TMEM272: variants seen among roughly 807,000 people sequenced by gnomAD.
TMEM272 encodes transmembrane protein 272, also known as long intergenic non-protein coding RNA 282.
A neutral mutation model predicts 3.7 loss-of-function variants in TMEM272; 8 were observed. The observed-to-expected ratio is 2.17, with a 90% CI of 1.27 to 3.91. The LOEUF (loss-of-function observed/expected upper bound fraction) is 3.91. Among genes scored for constraint, TMEM272 ranks in the 30% most tolerant of loss-of-function variants. TMEM272 has a pLI of 0.00. For synonymous variants in TMEM272, 63 were observed against 39.8 expected (o/e 1.58, Z -2.20); for missense variants, 166 against 91.5 (o/e 1.81, Z -3.32).
the TMEM272 span, among the ~76,000 whole-genome samples, chr13:51,852,923 G>C: frequency 6.6e-6 from 1 of 151,486 alleles, no homozygotes; most frequent in Admixed American, 6.6e-5. Context: ...AACAATGAGT[G>C]CTTAGGAGCA....
At chr13:51,928,502 G>A in the TMEM272 span, among the ~76,000 whole-genome samples, 1 of 152,226 alleles carries the variant, frequency 6.6e-6, no homozygotes, top group Non-Finnish European at 1.5e-5. Flanking sequence ...CAACTGCGAA[G>A]AGGTAGGATG....
intron 2 of TMEM272, among the ~76,000 whole-genome samples, chr13:51,830,313 G>A (rs1203300346): frequency 6.6e-6 from 1 of 152,220 alleles, no homozygotes; most frequent in Non-Finnish European, 1.5e-5. Flanking sequence ...GGCTGAGAGA[G>A]ATGGCCAGGG....
At chr13:51,924,108 C>A in the TMEM272 span, among the ~76,000 whole-genome samples, 1 of 152,208 alleles carries the variant, frequency 6.6e-6, no homozygotes, top group African/African-American at 2.4e-5. Context: ...CAGCTACCCT[C>A]CCACCTTACA....
At chr13:51,833,050 T>G (rs1006525729) in intron 2 of TMEM272, among the ~76,000 whole-genome samples, 5 of 151,998 alleles carry the variant, frequency 3.3e-5, no homozygotes, top group Non-Finnish European at 7.4e-5. Context: ...GGAGGTGATA[T>G]TGGTACTGGG....
At chr13:51,820,099 T>G (rs146451100) in intron 4 of TMEM272, among the ~76,000 whole-genome samples, 8 of 152,296 alleles carry the variant, frequency 5.3e-5, no homozygotes, top group Non-Finnish European at 8.8e-5. Context: ...AATACTTAAC[T>G]TACTAGGCAC....
the TMEM272 span, among the ~76,000 whole-genome samples, chr13:51,874,343 T>A: frequency 6.6e-6 from 1 of 152,228 alleles, no homozygotes; most frequent in Admixed American, 6.5e-5. Flanking sequence ...TGGGTTTCTT[T>A]CTCTTTTTTT....
At chr13:51,910,012 G>T in the TMEM272 span, 1 of 1,524,506 alleles carries the variant, frequency 6.6e-7, no homozygotes, top group South Asian at 1.1e-5. Context: ...CCTATCTCCA[G>T]TTTTTCTTCA....
At chr13:51,882,449 T>A in the TMEM272 span, among the ~76,000 whole-genome samples, 1 of 152,238 alleles carries the variant, frequency 6.6e-6, no homozygotes, top group Non-Finnish European at 1.5e-5. Flanking sequence ...TAACCTTGGT[T>A]TTGTAAATTA....
the TMEM272 span, among the ~76,000 whole-genome samples, chr13:51,873,256 A>G: frequency 3.2e-4 from 49 of 152,390 alleles, no homozygotes; most frequent in African/African-American, 1.1e-3. Context: ...AATGTCAAAC[A>G]AAGAGTTGTG....
At chr13:51,870,496 A>G in the TMEM272 span, among the ~76,000 whole-genome samples, 1 of 148,076 alleles carries the variant, frequency 6.8e-6, no homozygotes. Context: ...GTTAAAGATA[A>G]CAAAGCAAAT....
the TMEM272 span, among the ~76,000 whole-genome samples, chr13:51,898,041 G>A: frequency 6.6e-6 from 1 of 151,166 alleles, no homozygotes; most frequent in Non-Finnish European, 1.5e-5. Flanking sequence ...TGGCCAACAT[G>A]GTGAAACCCC....
chr13:51,874,490 T>C, the TMEM272 span, among the ~76,000 whole-genome samples: 1 of 152,186 alleles, frequency 6.6e-6, no homozygotes, highest in Non-Finnish European at 1.5e-5. Context: ...GAATATTTGA[T>C]GACCTCTGAC....
intron 4 of TMEM272, 94 bp from the exon 5 acceptor site, chr13:51,817,207 G>C: frequency 1.6e-6 from 1 of 614,190 alleles, no homozygotes; most frequent in Non-Finnish European, 2.9e-6. Context: ...GGTGTTGGCA[G>C]GGAGAGAGAA....
chr13:51,920,578 A>C, the TMEM272 span, among the ~76,000 whole-genome samples: 1 of 151,816 alleles, frequency 6.6e-6, no homozygotes, highest in African/African-American at 2.4e-5. Flanking sequence ...CATCCTACCC[A>C]TGTGCACCAG....
chr13:51,909,616 A>T, the TMEM272 span: 1 of 1,325,728 alleles, frequency 7.5e-7, no homozygotes, highest in Non-Finnish European at 1.1e-6. Flanking sequence ...CTGAATATAA[A>T]TTGGTTTCTT....
chr13:51,817,182 A>G lies in TMEM272; in HGVS notation c.202-69T>C, dbSNP rs750570972. On this transcript the variant is annotated intron_variant, in intron 4 of 4. Coordinates refer to ENST00000629372, the MANE Select transcript of TMEM272 (RefSeq NM_001351003.2). ...AATAGACGGGAAGAGAGGGGATAGAAGGTAGCGGTGGTGGGGTGTTGGCAG... is the reference window on the plus strand; with the variant it reads ...AATAGACGGGAAGAGAGGGGATAGAGGGTAGCGGTGGTGGGGTGTTGGCAG... 6.6e-5 allele frequency: 43 copies of G among 650,792 alleles called. No individual in the cohort carries two copies. In the Middle Eastern group the frequency reaches 9.7e-4, roughly 15 times the overall value. The allele number at this position is 650,792 out of a possible 1,614,324, so 40.3% of individuals were successfully genotyped here.
At chr13:51,913,730 C>A in the TMEM272 span, among the ~76,000 whole-genome samples, 8 of 152,186 alleles carry the variant, frequency 5.3e-5, no homozygotes, top group African/African-American at 1.9e-4. Flanking sequence ...AGCCTGCCCT[C>A]ATCTATTAGC....
At chr13:51,908,844 G>A in the TMEM272 span, 4 of 1,436,828 alleles carry the variant, frequency 2.8e-6, no homozygotes, top group Non-Finnish European at 3.9e-6. Context: ...CCACGGAGGT[G>A]ACAGGGGCCC....
the TMEM272 span, among the ~76,000 whole-genome samples, chr13:51,892,858 C>A: frequency 6.6e-6 from 1 of 152,184 alleles, no homozygotes; most frequent in Admixed American, 6.5e-5. Flanking sequence ...TTGCTAATCT[C>A]TGGGTTGCCT....
Sources: allele counts gnomAD v4.1 joint callset (sites outside exome capture counted in the v4.1 genomes callset), GRCh38; gene constraint gnomAD v4.1.1; transcripts MANE v1.5; gene names NCBI Gene and HGNC (gene_info 2026-07-23, HGNC 2026-07-21).